GRSF1: variants seen among roughly 807,000 people sequenced by gnomAD.
The protein encoded by GRSF1 is G-rich RNA sequence binding factor 1, also known as G-rich sequence factor 1.
GRSF1 carries 50 observed loss-of-function variants against 51.1 expected under a neutral mutation model. The ratio of observed to expected loss-of-function variants is 0.98; its 90% CI spans 0.78 to 1.24. The LOEUF is 1.24. Ranked by LOEUF, GRSF1 falls within the 50% of genes most tolerant of loss-of-function variation. The probability of loss-of-function intolerance (pLI) is 0.00; values close to 1 mark genes in which losing one functional copy is unlikely to be tolerated. For synonymous variants in GRSF1, 293 were observed against 253.3 expected (o/e 1.16, Z -1.49); for missense variants, 700 against 639.7 (o/e 1.09, Z -1.02).
At chr4:70,837,787 C>T (rs1324644975) in intron 1 of GRSF1, among the ~76,000 whole-genome samples, 1 of 150,774 alleles carries the variant, frequency 6.6e-6, no homozygotes, top group East Asian at 2.1e-4. Flanking sequence ...AGGCGCCCGC[C>T]ACCCCGCCCG....
At chr4:70,837,059 TCAA>T (rs905516349) in intron 1 of GRSF1, among the ~76,000 whole-genome samples, 11 of 152,096 alleles carry the variant, frequency 7.2e-5, no homozygotes, top group Non-Finnish European at 1.5e-4. Flanking sequence ...ACTGGGTAAA[TCAA>T]CAAGACAGCA....
At chr4:70,837,606 G>A (rs1157403671) in intron 1 of GRSF1, among the ~76,000 whole-genome samples, 1 of 150,446 alleles carries the variant, frequency 6.6e-6, no homozygotes, top group Non-Finnish European at 1.5e-5. Context: ...CCGGACTAAG[G>A]ACAGAGATAT....
chr4:70,825,620 A>C (rs1284360317), intron 7 of GRSF1, 189 bp from the exon 8 acceptor site: 1 of 407,472 alleles, frequency 2.5e-6, no homozygotes, highest in Non-Finnish European at 4.3e-6. Flanking sequence ...TTTTCTCAGA[A>C]CTCAAAGTGA....
In GRSF1 at chr4:70,832,375, T is replaced by C. The variant is rs1328440217; in HGVS notation, c.746A>G (p.Asp249Gly). The C allele has an allele frequency of 6.2e-7, 1 of 1,611,862 alleles. No individual in the cohort carries two copies. Among genetic ancestry groups the C allele is most frequent in the Non-Finnish European group, 8.5e-7 (1 of 1,178,364 alleles). The change falls in exon 4 of 10, where the codon GAT (aspartate) becomes GGT (glycine). Residue 249 changes from aspartate to glycine, a missense_variant. Transcript: ENST00000254799. Reference protein sequence around the residue: ...LQVKSSPVVNDGVVRLRGLPY... With the variant: ...LQVKSSPVVNGGVVRLRGLPY... The stretch of plus-strand genomic sequence containing the variant: ...AAGTCCTCTCAAACGAACCACACCA[T>C]CATTTACCACAGGCGAAGATTTGAC...
chr4:70,838,081 C>T (rs1195098961), intron 1 of GRSF1, among the ~76,000 whole-genome samples: 1 of 151,270 alleles, frequency 6.6e-6, no homozygotes, highest in Non-Finnish European at 1.5e-5. Context: ...TAGCTGGGCG[C>T]AGTGGCGGGC....
At chr4:70,833,703 GA>G (rs1448126358) in intron 2 of GRSF1, among the ~76,000 whole-genome samples, 1 of 152,012 alleles carries the variant, frequency 6.6e-6, no homozygotes, top group East Asian at 1.9e-4. Context: ...TGTTTTTGTA[GA>G]GAGGCGGTCT....
intron 9 of GRSF1, among the ~76,000 whole-genome samples, chr4:70,823,660 A>G (rs1012399970): frequency 1.1e-4 from 16 of 152,048 alleles, no homozygotes; most frequent in Non-Finnish European, 1.8e-4. Flanking sequence ...ACTTAAGGCC[A>G]GAAGTTCAAG....
Position 70,819,417 on chromosome 4 carries a change from G to A in GRSF1, c.*1470C>T, listed in dbSNP as rs866434615. The A allele has an allele frequency of 1.2e-4, 19 of 152,116 alleles. No homozygotes were observed. Among genetic ancestry groups the A allele is most frequent in the African/African-American group, 3.9e-4 (16 of 41,416 alleles). 9.4% of individuals were successfully genotyped at this position (152,116 alleles called of 1,614,324 possible). A position where few individuals can be genotyped will look rare whatever the true frequency, so the allele number is the denominator to read the frequency against. ...GTTAAGTCATGTTCACAGGATTTTA[G>A]AGAACACACACACGAAAATTAACCC... On this transcript the variant is annotated 3_prime_UTR_variant, in exon 10 of 10. Coordinates refer to ENST00000254799, the MANE Select transcript of GRSF1 (RefSeq NM_002092.4).
chr4:70,837,184 T>C (rs977346330), intron 1 of GRSF1, among the ~76,000 whole-genome samples: 13 of 152,188 alleles, frequency 8.5e-5, no homozygotes, highest in Non-Finnish European at 1.5e-5. Flanking sequence ...AAAGTCTCTT[T>C]TATCGGATTA....
At position 70,839,390 on chromosome 4, in the gene GRSF1, C is replaced by A. The variant is rs540987236; in HGVS notation, c.357+81G>T. 3.4e-6 allele frequency: 5 copies of A among 1,491,298 alleles called. No homozygotes were observed. The South Asian group carries it at 4.9e-5, about 14-fold the overall frequency. The allele number at this position is 1,491,298 out of a possible 1,614,324, so 92.4% of individuals were successfully genotyped here. A position where few individuals can be genotyped will look rare whatever the true frequency, so the allele number is the denominator to read the frequency against. ...CCCGGGCGTGCCCGCGAGGCGCACACGGAGGGACGGAGGGGCGCGGGGGCG... is the reference window on the plus strand; with the variant it reads ...CCCGGGCGTGCCCGCGAGGCGCACAAGGAGGGACGGAGGGGCGCGGGGGCG... On this transcript the variant is annotated intron_variant, in intron 1 of 9. Transcript: ENST00000254799.
Position 70,839,679 on chromosome 4 carries a change from A to T in GRSF1, c.149T>A (p.Leu50Gln), listed in dbSNP as rs962298139. ...GGCCGCGGCGGCCCCGAGCAGCAGC[A>T]GCAGGCGGCGGCGGCCCGAGACGCC... The part of the protein sequence containing the change: ...PSGVSGRRRL[L>Q]LLLGAAAAAA... Residue 50 changes from leucine (L) to glutamine (Q), a missense_variant, in exon 1 of 10, where the codon CTG becomes CAG. Leu to Gln is a moderately radical substitution (Grantham distance 113). Coordinates refer to ENST00000254799, the MANE Select transcript of GRSF1 (RefSeq NM_002092.4). 13 of 1,440,946 alleles carry T rather than the reference A, an allele frequency of 9.0e-6. No homozygotes were observed. The highest frequency in any genetic ancestry group is 1.2e-5 in the Non-Finnish European group (13 of 1,108,410). The allele number at this position is 1,440,946 out of a possible 1,614,324, so 89.3% of individuals were successfully genotyped here.
chr4:70,816,044 T>C lies in GRSF1; in HGVS notation c.*4843A>G, dbSNP rs1437999121. ...TAGAATAGGCAAAATTAATCTACAG[T>C]GAACAAAATCCTAACAGTAGCTGAC... On this transcript the variant is annotated 3_prime_UTR_variant, in exon 10 of 10. Transcript: ENST00000254799. 1 of 151,930 alleles carries C rather than the reference T, an allele frequency of 6.6e-6. No homozygotes were observed. Among genetic ancestry groups the C allele is most frequent in the East Asian group, 1.9e-4 (1 of 5,180 alleles). The allele number at this position is 151,930 out of a possible 1,614,324, so 9.4% of individuals were successfully genotyped here. A position where few individuals can be genotyped will look rare whatever the true frequency, so the allele number is the denominator to read the frequency against.
upstream of GRSF1, among the ~76,000 whole-genome samples, chr4:70,840,956 C>T (rs959150235): frequency 5.3e-5 from 8 of 152,088 alleles, no homozygotes; most frequent in Admixed American, 5.2e-4. Context: ...AGATTTGGTA[C>T]CCCCCGAATT....
At chr4:70,825,147 A>G in intron 8 of GRSF1, 149 bp downstream of exon 8, 2 of 527,336 alleles carry the variant, frequency 3.8e-6, no homozygotes, top group Non-Finnish European at 6.7e-6. Flanking sequence ...AAATTATAAT[A>G]TAGTGTTTTA....
chr4:70,828,329 T>C (rs77361313), intron 5 of GRSF1, among the ~76,000 whole-genome samples: 4 of 152,234 alleles, frequency 2.6e-5, no homozygotes, highest in African/African-American at 4.8e-5. Context: ...CTTAAGTTAA[T>C]TGTGTATACA....
rs763809650 is a variant in GRSF1 at position 70,832,367 on chromosome 4, C to T, written c.754G>A (p.Val252Ile). The change falls in exon 4 of 10, where the codon GTT (valine) becomes ATT (isoleucine). Residue 252 changes from valine to isoleucine, a missense_variant. Transcript: ENST00000254799. ...CTATAAGGAAGTCCTCTCAAACGAA[C>T]CACACCATCATTTACCACAGGCGAA... ...KSSPVVNDGV[V>I]RLRGLPYSCN... The T allele has an allele frequency of 6.2e-7, 1 of 1,612,850 alleles. No individual in the cohort carries two copies. Among genetic ancestry groups the T allele is most frequent in the East Asian group, 2.2e-5 (1 of 44,854 alleles).
At chr4:70,839,368 G>C (rs1205789974) in intron 1 of GRSF1, 103 bp downstream of exon 1, 23 of 1,506,176 alleles carry the variant, frequency 1.5e-5, no homozygotes, top group Admixed American at 1.2e-4. Flanking sequence ...GCGGATCCCC[G>C]GGCGTGCCCG....
chr4:70,839,790 C>T lies in GRSF1; in HGVS notation c.38G>A (p.Arg13Gln). The T allele has an allele frequency of 6.6e-7, 1 of 1,505,324 alleles. No individual in the cohort carries two copies. The highest frequency in any genetic ancestry group is 8.8e-7 in the Non-Finnish European group (1 of 1,134,050). 93.2% of individuals were successfully genotyped at this position (1,505,324 alleles called of 1,614,324 possible). Residue 13 changes from arginine to glutamine, a missense_variant, in exon 1 of 10, where the codon CGG becomes CAG. Physicochemically the swap from Arg to Gln is conservative, Grantham distance 43 (BLOSUM62 1). Coordinates refer to ENST00000254799, the MANE Select transcript of GRSF1 (RefSeq NM_002092.4). ...GCTGCTGCAGTTACAGCCGCAGCCCCGGAGCAGCGCCCCGAGTACCCAGCG... is the reference window on the plus strand; with the variant it reads ...GCTGCTGCAGTTACAGCCGCAGCCCTGGAGCAGCGCCCCGAGTACCCAGCG... ...GTRWVLGALL[R>Q]GCGCNCSSCR... is the part of the protein sequence containing the mutation.
chr4:70,824,348 A>C lies in GRSF1; in HGVS notation c.1414T>G (p.Phe472Val). Residue 472 changes from phenylalanine to valine, a missense_variant, in exon 9 of 10, where the codon TTC becomes GTC. Phe to Val is a conservative substitution (Grantham distance 50). Transcript: ENST00000254799. ...SHVHHRYIEL[F>V]LNSCPKGK ...TTTCCTTTTGGACATGAATTCAGGA[A>C]CAGTTCAATATACCTATGATCTGAG... 1.3e-6 allele frequency: 2 copies of C among 1,481,852 alleles called. No homozygotes were observed. Among genetic ancestry groups the C allele is most frequent in the Non-Finnish European group, 1.9e-6 (2 of 1,070,368 alleles). The allele number at this position is 1,481,852 out of a possible 1,614,324, so 91.8% of individuals were successfully genotyped here.
Sources: gnomAD v4.1 joint callset for allele counts (sites outside exome capture counted in the v4.1 genomes callset) on GRCh38, gnomAD v4.1.1 for gene constraint, MANE v1.5 for transcripts, NCBI Gene and HGNC (gene_info 2026-07-23, HGNC 2026-07-21) for gene names.